Variants in EBF1 observed in about 807,000 individuals in gnomAD.
EBF1 encodes transcription factor COE1.
Under a neutral mutation model 68.4 loss-of-function variants are expected in EBF1, and 10 were observed. That is an observed-to-expected ratio of 0.15 (90% CI 0.09 to 0.25). EBF1 has a LOEUF of 0.25. EBF1 is among the 10% of genes least tolerant of loss of function. The pLI is 1.00. For missense variants in EBF1, 509 were observed against 794.4 expected, an observed-to-expected ratio of 0.64 and a Z score of 4.32; for synonymous variants, 298 against 299.8, an observed-to-expected ratio of 0.99 and a Z score of 0.06.
At chr5:159,011,753 T>C (rs1176967896) in intron 6 of EBF1, among the ~76,000 whole-genome samples, 1 of 152,218 alleles carries the variant, frequency 6.6e-6, no homozygotes, top group Non-Finnish European at 1.5e-5. Flanking sequence ...CATTTCCTCA[T>C]ATTAACTCCA....
intron 6 of EBF1, among the ~76,000 whole-genome samples, chr5:159,010,178 A>G (rs1764341748): frequency 6.6e-6 from 1 of 152,232 alleles, no homozygotes; most frequent in Admixed American, 6.5e-5. Context: ...TCAATAAGGT[A>G]TCTGACCAAA....
intron 6 of EBF1, among the ~76,000 whole-genome samples, chr5:159,014,142 C>G (rs1765199902): frequency 6.6e-6 from 1 of 152,152 alleles, no homozygotes; most frequent in Admixed American, 6.5e-5. Flanking sequence ...TTTATTATTT[C>G]TTCTTCAAAC....
intron 6 of EBF1, among the ~76,000 whole-genome samples, chr5:158,865,262 C>A (rs1795673383): frequency 6.6e-6 from 1 of 152,256 alleles, no homozygotes. Context: ...CTGAGCAAGC[C>A]TCCAAAATGT....
rs1206496422 is a variant in EBF1 at position 158,781,364 on chromosome 5, CT to C, written c.910-3826del. Among the ~76,000 whole-genome samples, 19 of 151,596 alleles carry C rather than the reference CT, an allele frequency of 1.3e-4. No individual in the cohort carries two copies. In the East Asian group the frequency reaches 3.3e-3, roughly 26 times the overall value. On this transcript the variant is annotated intron_variant, in intron 9 of 15. Coordinates refer to ENST00000313708, the MANE Select transcript of EBF1 (RefSeq NM_024007.5). Reference sequence around the variant, plus strand: ...GTAGAAATATCACAAGTTTTGTCTTCTTTTTTTTTCTCTATTTGCCTAGCAC... The same window carrying C: ...GTAGAAATATCACAAGTTTTGTCTTCTTTTTTTTCTCTATTTGCCTAGCAC...
intron 6 of EBF1, among the ~76,000 whole-genome samples, chr5:159,044,401 A>C (rs1212373134): frequency 6.6e-6 from 1 of 152,192 alleles, no homozygotes; most frequent in Non-Finnish European, 1.5e-5. Flanking sequence ...CTATTGTCTG[A>C]ATACTTAAAT....
chr5:158,790,771 A>G (rs1446724485), intron 9 of EBF1, among the ~76,000 whole-genome samples: 1 of 152,216 alleles, frequency 6.6e-6, no homozygotes, highest in African/African-American at 2.4e-5. Flanking sequence ...TCTCAGATTT[A>G]TATCAGATAC....
intron 6 of EBF1, among the ~76,000 whole-genome samples, chr5:158,984,441 T>C (rs1758563586): frequency 6.6e-6 from 1 of 152,188 alleles, no homozygotes; most frequent in Non-Finnish European, 1.5e-5. Context: ...GAAATAAAAC[T>C]GTACCAGTAA....
At chr5:159,059,354 C>T (rs1336306416) in intron 6 of EBF1, among the ~76,000 whole-genome samples, 1 of 150,154 alleles carries the variant, frequency 6.7e-6, no homozygotes, top group East Asian at 1.9e-4. Flanking sequence ...TGTCTATCAA[C>T]AATTTGATGA....
intron 6 of EBF1, among the ~76,000 whole-genome samples, chr5:159,050,376 C>T (rs964446800): frequency 6.6e-6 from 1 of 152,124 alleles, no homozygotes; most frequent in Non-Finnish European, 1.5e-5. Context: ...ACCATCAGTC[C>T]TCCCACAAGG....
At chr5:158,891,821 C>A (rs1801236745) in intron 6 of EBF1, among the ~76,000 whole-genome samples, 1 of 152,090 alleles carries the variant, frequency 6.6e-6, no homozygotes, top group South Asian at 2.1e-4. Context: ...CTAGAAATTT[C>A]TTTTGGTATT....
At chr5:158,868,523 A>G (rs900474238) in intron 6 of EBF1, among the ~76,000 whole-genome samples, 9 of 152,144 alleles carry the variant, frequency 5.9e-5, no homozygotes, top group African/African-American at 2.2e-4. Flanking sequence ...AACACCCTTC[A>G]CGTCCCCTAA....
chr5:158,743,454 G>C (rs1390655179), intron 10 of EBF1, among the ~76,000 whole-genome samples: 1 of 152,196 alleles, frequency 6.6e-6, no homozygotes, highest in African/African-American at 2.4e-5. Flanking sequence ...AGAGCAGGTA[G>C]AGAGCAAGGA....
chr5:158,987,936 T>G (rs1469531387), intron 6 of EBF1, among the ~76,000 whole-genome samples: 1 of 152,176 alleles, frequency 6.6e-6, no homozygotes, highest in Non-Finnish European at 1.5e-5. Context: ...TTACTAGCAT[T>G]GGGAATGGCA....
At chr5:158,768,855 T>C (rs995698661) in intron 10 of EBF1, among the ~76,000 whole-genome samples, 2 of 152,142 alleles carry the variant, frequency 1.3e-5, no homozygotes, top group African/African-American at 4.8e-5. Context: ...TATCATGATG[T>C]TCGGTTTAAA....
rs34417897 is a variant in EBF1 at position 158,929,705 on chromosome 5, G to GA, written c.555-89596dup. 7.2e-5 allele frequency among the ~76,000 whole-genome samples: 11 copies of GA among 152,026 alleles called. No individual in the cohort carries two copies. In the South Asian group the frequency reaches 8.3e-4, roughly 11 times the overall value. Reference sequence around the variant, plus strand: ...CACCAACCTAATGCTTGTGTACAGAGAAAAAAAGCCCCTCCCCTTTTTAAA... The same window carrying GA: ...CACCAACCTAATGCTTGTGTACAGAGAAAAAAAAGCCCCTCCCCTTTTTAAA... On this transcript the variant is annotated intron_variant, in intron 6 of 15. Transcript: ENST00000313708.
intron 6 of EBF1, among the ~76,000 whole-genome samples, chr5:159,022,420 C>T (rs1174988816): frequency 6.6e-6 from 1 of 152,172 alleles, no homozygotes; most frequent in African/African-American, 2.4e-5. Context: ...GTAAAGTGCG[C>T]GGGCAGGCTT....
chr5:159,099,504 TC>T lies in EBF1; in HGVS notation c.-27del. 1 of 1,335,346 alleles carries T rather than the reference TC, an allele frequency of 7.5e-7. No homozygotes were observed. The highest frequency in any genetic ancestry group is 9.6e-7 in the Non-Finnish European group (1 of 1,039,004). 82.7% of individuals were successfully genotyped at this position (1,335,346 alleles called of 1,614,324 possible). A position where few individuals can be genotyped will look rare whatever the true frequency, so the allele number is the denominator to read the frequency against. On this transcript the variant is annotated 5_prime_UTR_variant, in exon 1 of 16. Transcript: ENST00000313708. ...GAAAACAACCTTTTCTTGTGGAAAA[TC>T]TCCTCCCCCTTGAAAAAAATTAAAA...
At position 158,782,316 on chromosome 5, in the gene EBF1, T is replaced by C. The variant is rs10476267; in HGVS notation, c.910-4777A>G. On this transcript the variant is annotated intron_variant, in intron 9 of 15. Transcript: ENST00000313708. ...TCCTATACATCTTTCTCTCATTAGA[T>C]ATTTCCTGAGATCAGGAACACAGTC... 9.6e-3 allele frequency among the ~76,000 whole-genome samples: 1,459 copies of C among 152,276 alleles called. 29 individuals are homozygous for C. The highest frequency in any genetic ancestry group is 0.034 in the African/African-American group (1,396 of 41,536).
At chr5:158,885,100 C>A (rs965554141) in intron 6 of EBF1, among the ~76,000 whole-genome samples, 6 of 152,180 alleles carry the variant, frequency 3.9e-5, no homozygotes, top group African/African-American at 7.2e-5. Flanking sequence ...TGGTAGGAGG[C>A]CAGGTCTATG....
Sources: gnomAD v4.1 joint callset for allele counts (sites outside exome capture counted in the v4.1 genomes callset) on GRCh38, gnomAD v4.1.1 for gene constraint, MANE v1.5 for transcripts, NCBI Gene and HGNC (gene_info 2026-07-23, HGNC 2026-07-21) for gene names.